Variants in RBFOX1 observed in about 807,000 individuals in gnomAD.
The protein encoded by RBFOX1 is RNA binding fox-1 homolog 1.
Under a neutral mutation model 57.7 loss-of-function variants are expected in RBFOX1, and 8 were observed. That is an observed-to-expected ratio of 0.14 (90% confidence interval 0.08 to 0.25). The LOEUF is 0.25. Ranked by LOEUF, RBFOX1 falls within the 10% of genes least tolerant of loss-of-function variation. The pLI, the probability that RBFOX1 is intolerant of heterozygous loss-of-function variation, is 1.00. For missense variants in RBFOX1, 611 were observed against 548.5 expected (o/e 1.11, Z -1.14); for synonymous variants, 326 against 222.4 (o/e 1.47, Z -4.15).
At chr16:5,383,430 C>T (rs533673367) in intron 1 of RBFOX1, among the ~76,000 whole-genome samples, 21 of 152,336 alleles carry the variant, frequency 1.4e-4, no homozygotes, top group African/African-American at 4.6e-4. Context: ...ACAGGCACTA[C>T]ATTTGGGTCT....
chr16:6,337,095 G>A (rs1228757653), intron 2 of RBFOX1, among the ~76,000 whole-genome samples: 1 of 152,142 alleles, frequency 6.6e-6, no homozygotes, highest in Non-Finnish European at 1.5e-5. Context: ...TTACTCGACA[G>A]TTTATTTCCA....
intron 1 of RBFOX1, among the ~76,000 whole-genome samples, chr16:6,141,087 C>T (rs1319332665): frequency 6.6e-6 from 1 of 152,196 alleles, no homozygotes; most frequent in Non-Finnish European, 1.5e-5. Context: ...TGTCCATCCC[C>T]ATGTCTTCTC....
At chr16:7,436,927 T>A (rs922628365) in intron 4 of RBFOX1, among the ~76,000 whole-genome samples, 8 of 151,730 alleles carry the variant, frequency 5.3e-5, no homozygotes, top group Admixed American at 1.3e-4. Context: ...AATAAATAAA[T>A]AAAAATAGCT....
intron 1 of RBFOX1, among the ~76,000 whole-genome samples, chr16:6,240,737 ACGT>A (rs890018299): frequency 5.9e-5 from 9 of 152,026 alleles, no homozygotes; most frequent in African/African-American, 1.9e-4. Context: ...CAGAACACTG[ACGT>A]CTTGGCTACT....
At chr16:6,844,458 G>C (rs1170563905) in intron 3 of RBFOX1, among the ~76,000 whole-genome samples, 3 of 152,110 alleles carry the variant, frequency 2.0e-5, no homozygotes, top group African/African-American at 7.2e-5. Context: ...TTGGTTTTCT[G>C]TTCCTGCGTT....
At chr16:6,870,241 G>A (rs542913212) in intron 3 of RBFOX1, among the ~76,000 whole-genome samples, 2 of 152,200 alleles carry the variant, frequency 1.3e-5, no homozygotes, top group South Asian at 4.1e-4. Context: ...GCAGCCTGGG[G>A]TGGGGCAATG....
At chr16:7,299,233 AT>A (rs1223599554) in intron 4 of RBFOX1, among the ~76,000 whole-genome samples, 1 of 152,098 alleles carries the variant, frequency 6.6e-6, no homozygotes, top group African/African-American at 2.4e-5. Flanking sequence ...TTTATTCGTT[AT>A]TTGATTTTAT....
At chr16:7,226,242 G>C (rs751531471) in intron 4 of RBFOX1, among the ~76,000 whole-genome samples, 12 of 152,166 alleles carry the variant, frequency 7.9e-5, no homozygotes, top group South Asian at 2.1e-4. Context: ...TGGATATTCT[G>C]ATCAGGCAGG....
At chr16:5,537,858 T>G (rs2044761917) in intron 2 of RBFOX1, among the ~76,000 whole-genome samples, 1 of 152,244 alleles carries the variant, frequency 6.6e-6, no homozygotes, top group African/African-American at 2.4e-5. Context: ...AAAGGCTGTT[T>G]TGCCACATAA....
intron 2 of RBFOX1, among the ~76,000 whole-genome samples, chr16:6,427,408 A>G (rs1269936377): frequency 6.6e-6 from 1 of 152,220 alleles, no homozygotes; most frequent in Non-Finnish European, 1.5e-5. Context: ...TACAGGGAGT[A>G]GTTCTGAACG....
chr16:6,757,102 A>G (rs1183826810), intron 3 of RBFOX1, among the ~76,000 whole-genome samples: 1 of 152,230 alleles, frequency 6.6e-6, no homozygotes. Context: ...AATGACGTAT[A>G]ATTTCATCCC....
chr16:5,335,467 A>G (rs755855149), intron 1 of RBFOX1, among the ~76,000 whole-genome samples: 19 of 152,310 alleles, frequency 1.2e-4, no homozygotes, highest in Non-Finnish European at 2.1e-4. Context: ...CCTCTTCTCC[A>G]TTGCACATGA....
At chr16:6,314,346 A>C (rs2152770248) in intron 1 of RBFOX1, among the ~76,000 whole-genome samples, 2 of 152,330 alleles carry the variant, frequency 1.3e-5, no homozygotes, top group Middle Eastern at 3.4e-3. Context: ...GGCCAAGTCC[A>C]CAAAAAGTTA....
chr16:5,727,471 A>C (rs1436892926), intron 3 of RBFOX1, among the ~76,000 whole-genome samples: 1 of 152,128 alleles, frequency 6.6e-6, no homozygotes, highest in Non-Finnish European at 1.5e-5. Context: ...CCATTACCTG[A>C]CATAGTTAAC....
In RBFOX1 at chr16:7,653,865, G is replaced by A. The variant is rs1356605765; in HGVS notation, c.808G>A (p.Ala270Thr). ...AATAAAAYRG[A>T]HLRGRGRTVY... is the part of the protein sequence containing the mutation. The stretch of plus-strand genomic sequence containing the variant: ...CACCGCCGCGGCCGCCTACCGAGGG[G>A]CGCACCTGCGAGGCCGCGGTCGCAC... Residue 270 changes from alanine to threonine, a missense_variant, in exon 12 of 16, where the codon GCG (alanine) becomes ACG (threonine). By Grantham distance (58) the Ala-to-Thr change is moderately conservative. Coordinates refer to ENST00000550418, the MANE Select transcript of RBFOX1 (RefSeq NM_018723.4). The A allele has an allele frequency of 1.9e-6, 3 of 1,605,042 alleles. No individual in the cohort carries two copies. Among genetic ancestry groups the A allele is most frequent in the Non-Finnish European group, 2.5e-6 (3 of 1,179,362 alleles).
intron 2 of RBFOX1, among the ~76,000 whole-genome samples, chr16:6,524,208 T>C (rs1305159268): frequency 1.3e-5 from 2 of 152,228 alleles, no homozygotes; most frequent in Non-Finnish European, 2.9e-5. Flanking sequence ...CTATCATTTT[T>C]ATTTCTAGAT....
chr16:6,103,213 G>A (rs555542412), intron 1 of RBFOX1, among the ~76,000 whole-genome samples: 2 of 152,274 alleles, frequency 1.3e-5, no homozygotes, highest in African/African-American at 2.4e-5. Context: ...GAGGCTTGGG[G>A]TCTGAACCCT....
intron 3 of RBFOX1, among the ~76,000 whole-genome samples, chr16:6,952,771 T>C (rs1264912013): frequency 6.6e-6 from 1 of 151,820 alleles, no homozygotes; most frequent in Non-Finnish European, 1.5e-5. Context: ...AGGTCAGGAG[T>C]TTGACACCAG....
At chr16:6,581,179 C>T (rs112492125) in intron 2 of RBFOX1, among the ~76,000 whole-genome samples, 1 of 152,090 alleles carries the variant, frequency 6.6e-6, no homozygotes, top group Non-Finnish European at 1.5e-5. Flanking sequence ...CCACGCCCAC[C>T]CCTAATGAAG....
Sources: gnomAD v4.1 joint callset for allele counts (sites outside exome capture counted in the v4.1 genomes callset) on GRCh38, gnomAD v4.1.1 for gene constraint, MANE v1.5 for transcripts, NCBI Gene and HGNC (gene_info 2026-07-23, HGNC 2026-07-21) for gene names.